Variants in PPP4R3A observed in about 807,000 individuals in gnomAD.
PPP4R3A encodes the protein serine/threonine-protein phosphatase 4 regulatory subunit 3A.
In PPP4R3A, 15 loss-of-function variants were observed where a neutral mutation model predicts 91.7. The ratio of observed to expected loss-of-function variants is 0.16; its 90% confidence interval spans 0.11 to 0.25. The LOEUF (loss-of-function observed/expected upper bound fraction) is 0.25, where lower values mean the gene tolerates loss of function less well. Among genes scored for constraint, PPP4R3A ranks in the 10% least tolerant of loss-of-function variants. The pLI, the probability that PPP4R3A is intolerant of heterozygous loss-of-function variation, is 1.00. For missense variants in PPP4R3A, 623 were observed against 998.4 expected (o/e 0.62, Z 5.07); for synonymous variants, 377 against 348.7 (o/e 1.08, Z -0.91).
chr14:91,490,883 T>TAA (rs35564814), intron 1 of PPP4R3A, 81 bp from the exon 2 acceptor site: 122 of 511,590 alleles, frequency 2.4e-4, no homozygotes, highest in Middle Eastern at 5.8e-4. Context: ...CATATTTCCT[T>TAA]AAAAAAAATA....
intron 7 of PPP4R3A, chr14:91,475,056 GA>G (rs1889097564): frequency 6.6e-6 from 1 of 151,624 alleles, no homozygotes; most frequent in South Asian, 2.1e-4. Flanking sequence ...ATTCTAAACA[GA>G]TTTTTTTTTT....
Position 91,462,724 on chromosome 14 carries a change from T to G in PPP4R3A, c.1973+11A>C. 1 of 1,613,462 alleles carries G rather than the reference T, an allele frequency of 6.2e-7. No individual in the cohort carries two copies. Among genetic ancestry groups the G allele is most frequent in the Non-Finnish European group, 8.5e-7 (1 of 1,179,634 alleles). On this transcript the variant is annotated intron_variant, in intron 12 of 14. Coordinates refer to ENST00000554943, the MANE Select transcript of PPP4R3A (RefSeq NM_001366432.2). ...TGCTGAACGAATAGGTTTAAATATA[T>G]GGTAATTTACCTGTCAAGTTTGGGA...
At chr14:91,506,227 A>G (rs1227876886) in intron 1 of PPP4R3A, among the ~76,000 whole-genome samples, 3 of 152,216 alleles carry the variant, frequency 2.0e-5, no homozygotes, top group Admixed American at 6.5e-5. Flanking sequence ...GATTACAGGC[A>G]TGAGCCATTG....
At chr14:91,458,920 A>C (rs1195436557) in intron 14 of PPP4R3A, 51 bp from the exon 15 acceptor site, 7 of 1,521,244 alleles carry the variant, frequency 4.6e-6, no homozygotes, top group East Asian at 2.5e-5. Context: ...ACATATAAAA[A>C]CACTGGTGTT....
In PPP4R3A at chr14:91,509,535, A is replaced by C; in HGVS notation, c.113T>G (p.Met38Arg). 6.3e-7 allele frequency: 1 copy of C among 1,598,230 alleles called. No homozygotes were observed. Residue 38 changes from methionine (M) to arginine (R), a missense_variant, in exon 1 of 15, where the codon ATG (methionine) becomes AGG (arginine). Coordinates refer to ENST00000554943, the MANE Select transcript of PPP4R3A (RefSeq NM_001366432.2). Reference protein sequence around the residue: ...SSGYVERLKGMSLLVRAESDG... With the variant: ...SSGYVERLKGRSLLVRAESDG... Reference sequence around the variant, plus strand: ...GCTCTCAGCCCTGACAAGCAGGGACATGCCCTTCAGCCGCTCCACGTAGCC... The same window carrying C: ...GCTCTCAGCCCTGACAAGCAGGGACCTGCCCTTCAGCCGCTCCACGTAGCC...
At chr14:91,478,681 G>A (rs1448681905) in intron 4 of PPP4R3A, among the ~76,000 whole-genome samples, 1 of 152,168 alleles carries the variant, frequency 6.6e-6, no homozygotes, top group African/African-American at 2.4e-5. Context: ...AACAAAAACA[G>A]AACCATATGG....
intron 1 of PPP4R3A, among the ~76,000 whole-genome samples, chr14:91,504,400 G>C (rs572262408): frequency 6.6e-6 from 1 of 151,124 alleles, no homozygotes; most frequent in East Asian, 1.9e-4. Context: ...TCAGGAGTTC[G>C]AGATCGGCCT....
chr14:91,488,683 G>A (rs1274601465), intron 2 of PPP4R3A, among the ~76,000 whole-genome samples: 1 of 152,090 alleles, frequency 6.6e-6, no homozygotes, highest in Non-Finnish European at 1.5e-5. Context: ...TAAGGCTCCA[G>A]ATAAGACAAA....
intron 6 of PPP4R3A, 28 bp downstream of exon 6, chr14:91,476,380 A>C: frequency 1.4e-6 from 2 of 1,438,168 alleles, no homozygotes; most frequent in Non-Finnish European, 1.9e-6. Flanking sequence ...AAAAATGGTA[A>C]TTAAAAATGA....
chr14:91,460,953 T>C (rs1013693607), intron 14 of PPP4R3A, among the ~76,000 whole-genome samples: 2 of 152,158 alleles, frequency 1.3e-5, no homozygotes, highest in Non-Finnish European at 2.9e-5. Context: ...TTAGTGATAG[T>C]AGATGTTTAA....
intron 14 of PPP4R3A, among the ~76,000 whole-genome samples, chr14:91,459,958 C>G (rs1435334270): frequency 6.6e-6 from 1 of 152,086 alleles, no homozygotes; most frequent in Non-Finnish European, 1.5e-5. Context: ...TCTTCCTCAT[C>G]ATTTCATCTG....
rs545756599 is a variant in PPP4R3A, at chr14:91,499,673, T to C, written c.143-8871A>G. Among the ~76,000 whole-genome samples, 143 of 151,814 alleles carry C rather than the reference T, an allele frequency of 9.4e-4. 1 individual carries two copies. The highest frequency in any genetic ancestry group is 3.3e-3 in the African/African-American group (137 of 41,348). On this transcript the variant is annotated intron_variant, in intron 1 of 14. Transcript: ENST00000554943. ...TCATCTCTACTAAAAATACAAAAATTAGCTGGGCATGGTGGTGCGTGCCTG... is the reference window on the plus strand; with the variant it reads ...TCATCTCTACTAAAAATACAAAAATCAGCTGGGCATGGTGGTGCGTGCCTG...
At chr14:91,491,224 A>T (rs1045360143) in intron 1 of PPP4R3A, among the ~76,000 whole-genome samples, 2 of 151,638 alleles carry the variant, frequency 1.3e-5, no homozygotes, top group Non-Finnish European at 2.9e-5. Context: ...ATATTTTTAA[A>T]TATTTTTTCA....
At chr14:91,496,697 T>C (rs894005219) in intron 1 of PPP4R3A, among the ~76,000 whole-genome samples, 24 of 152,192 alleles carry the variant, frequency 1.6e-4, no homozygotes, top group African/African-American at 5.8e-4. Flanking sequence ...TTTTCAGCCA[T>C]ATCACAGTTT....
At chr14:91,490,875 T>A in intron 1 of PPP4R3A, 73 bp from the exon 2 acceptor site, 71 of 594,052 alleles carry the variant, frequency 1.2e-4, no homozygotes, top group Non-Finnish European at 1.7e-4. Flanking sequence ...CATACACACA[T>A]ATTTCCTTAA....
chr14:91,483,968 G>C (rs539851571), intron 3 of PPP4R3A, among the ~76,000 whole-genome samples: 3 of 152,322 alleles, frequency 2.0e-5, no homozygotes, highest in Admixed American at 6.5e-5. Context: ...TGTATCCAGA[G>C]TGGAAGTGTT....
rs114452702 is a variant in PPP4R3A, at chr14:91,483,339, T to C, written c.298-1146A>G. On this transcript the variant is annotated intron_variant, in intron 3 of 14. Transcript: ENST00000554943. ...TACTAGAAAAGATGACGACCTGGAA[T>C]ACTTTTCTTGAAATGTGCTGCAAGG... is the stretch of plus-strand genomic sequence containing the variant. Among the ~76,000 whole-genome samples the C allele has an allele frequency of 1.6e-3, 238 of 152,346 alleles. 1 individual carries two copies. Among genetic ancestry groups the C allele is most frequent in the African/African-American group, 5.3e-3 (221 of 41,562 alleles).
chr14:91,509,864 C>A lies in PPP4R3A; in HGVS notation c.-217G>T. On this transcript the variant is annotated 5_prime_UTR_variant, in exon 1 of 15. Transcript: ENST00000554943. ...CCTTTCCTCGCCTCCGGCTCCCCGGCGCTATTGTCCAGGCCTGGCGAGCCC... is the reference window on the plus strand; with the variant it reads ...CCTTTCCTCGCCTCCGGCTCCCCGGAGCTATTGTCCAGGCCTGGCGAGCCC... The A allele has an allele frequency of 2.6e-6, 3 of 1,137,234 alleles. No homozygotes were observed. The highest frequency in any genetic ancestry group is 3.2e-6 in the Non-Finnish European group (3 of 930,164). 70.4% of individuals were successfully genotyped at this position (1,137,234 alleles called of 1,614,324 possible).
intron 1 of PPP4R3A, among the ~76,000 whole-genome samples, chr14:91,506,359 C>T (rs1891293978): frequency 1.3e-5 from 2 of 152,132 alleles, no homozygotes; most frequent in Non-Finnish European, 2.9e-5. Flanking sequence ...TGGTTAATAG[C>T]ACTAAATCAG....
Sources: allele counts gnomAD v4.1 joint callset (sites outside exome capture counted in the v4.1 genomes callset), GRCh38; gene constraint gnomAD v4.1.1; transcripts MANE v1.5; gene names NCBI Gene and HGNC (gene_info 2026-07-23, HGNC 2026-07-21).